Variants in KDM4C observed in about 807,000 individuals in gnomAD.
KDM4C encodes the protein lysine-specific demethylase 4C.
KDM4C carries 81 observed loss-of-function variants against 129.3 expected under a neutral mutation model. The observed-to-expected ratio is 0.63, with a 90% CI of 0.52 to 0.75. The LOEUF (loss-of-function observed/expected upper bound fraction) is 0.75. Ranked by LOEUF, KDM4C falls within the 30% of genes least tolerant of loss-of-function variation. The pLI is 0.00. For missense variants in KDM4C, 1,457 were observed against 1,304.0 expected (o/e 1.12, Z -1.81); for synonymous variants, 573 against 456.1 (o/e 1.26, Z -3.26).
intron 8 of KDM4C, among the ~76,000 whole-genome samples, chr9:6,963,140 G>C (rs1170432294): frequency 6.6e-6 from 1 of 152,186 alleles, no homozygotes; most frequent in African/African-American, 2.4e-5. Flanking sequence ...TCTGAGGATT[G>C]AGTTGTTAAA....
intron 18 of KDM4C, among the ~76,000 whole-genome samples, chr9:7,107,559 A>T (rs749430736): frequency 2.0e-4 from 31 of 152,338 alleles, no homozygotes; most frequent in Non-Finnish European, 3.4e-4. Context: ...CAGCACCAGA[A>T]TCACTTGCAC....
chr9:6,751,047 C>G (rs113506607), intron 1 of KDM4C, among the ~76,000 whole-genome samples: 1 of 152,084 alleles, frequency 6.6e-6, no homozygotes, highest in African/African-American at 2.4e-5. Context: ...GTCTCAGGAC[C>G]GTATCATAAG....
chr9:6,940,022 C>G (rs959936023), intron 8 of KDM4C, among the ~76,000 whole-genome samples: 1 of 133,662 alleles, frequency 7.5e-6, no homozygotes, highest in Non-Finnish European at 1.6e-5. Flanking sequence ...TCCTTCCTTC[C>G]TTCCTTCCTT....
intron 1 of KDM4C, among the ~76,000 whole-genome samples, chr9:6,743,134 G>C (rs1307476290): frequency 6.6e-6 from 1 of 152,134 alleles, no homozygotes; most frequent in Non-Finnish European, 1.5e-5. Context: ...TTACTAATAT[G>C]AAAATAATAA....
At chr9:7,146,935 C>G (rs960407852) in intron 19 of KDM4C, among the ~76,000 whole-genome samples, 2 of 152,188 alleles carry the variant, frequency 1.3e-5, no homozygotes, top group African/African-American at 4.8e-5. Flanking sequence ...TATTTTTAAT[C>G]CCAAAGGTGG....
At chr9:6,948,037 G>T (rs1827293512) in intron 8 of KDM4C, 1 of 151,962 alleles carries the variant, frequency 6.6e-6, no homozygotes, top group African/African-American at 2.4e-5. Context: ...TTCTAGGTGA[G>T]ATGCTGCAGT....
chr9:6,806,371 G>T (rs1395336189), intron 3 of KDM4C, among the ~76,000 whole-genome samples: 1 of 152,046 alleles, frequency 6.6e-6, no homozygotes, highest in Non-Finnish European at 1.5e-5. Context: ...GCACGTGCCT[G>T]TAATCCCAGC....
At chr9:7,041,065 C>A (rs995411481) in intron 15 of KDM4C, among the ~76,000 whole-genome samples, 3 of 148,240 alleles carry the variant, frequency 2.0e-5, no homozygotes, top group Admixed American at 6.7e-5. Context: ...TTTTAAAATT[C>A]TCTTTTTGTC....
intron 4 of KDM4C, among the ~76,000 whole-genome samples, chr9:6,819,346 T>G (rs1832639065): frequency 6.6e-6 from 1 of 152,246 alleles, no homozygotes; most frequent in Non-Finnish European, 1.5e-5. Context: ...AACATTGACT[T>G]TAGACTTCAG....
intron 8 of KDM4C, among the ~76,000 whole-genome samples, chr9:6,969,190 C>T (rs990047043): frequency 3.9e-5 from 6 of 152,196 alleles, no homozygotes; most frequent in Non-Finnish European, 7.3e-5. Flanking sequence ...CCTGCGTCTG[C>T]CTCCCAAAGT....
At chr9:7,149,819 C>T (rs1842566180) in intron 19 of KDM4C, among the ~76,000 whole-genome samples, 1 of 152,148 alleles carries the variant, frequency 6.6e-6, no homozygotes, top group Admixed American at 6.5e-5. Context: ...CATTTTTTCA[C>T]CCTACATCTT....
chr9:7,128,186 A>T lies in KDM4C; in HGVS notation c.2731A>T (p.Met911Leu). The T allele has an allele frequency of 6.2e-6, 10 of 1,610,196 alleles. No individual in the cohort carries two copies. The highest frequency in any genetic ancestry group is 7.6e-6 in the Non-Finnish European group (9 of 1,178,384). Residue 911 changes from methionine to leucine, a missense_variant, in exon 19 of 22, where the codon ATG (methionine) becomes TTG (leucine). Coordinates refer to ENST00000381309, the MANE Select transcript of KDM4C (RefSeq NM_015061.6). ...GACATCGCAGACCTTCTATGAGGTCATGTTTGATGATGGCTCCTTTAGCAG... is the reference window on the plus strand; with the variant it reads ...GACATCGCAGACCTTCTATGAGGTCTTGTTTGATGATGGCTCCTTTAGCAG... ...AVTSQTFYEVMFDDGSFSRDT... is the reference protein window; with the variant it reads ...AVTSQTFYEVLFDDGSFSRDT...
chr9:6,802,895 C>A (rs939007474), intron 2 of KDM4C, among the ~76,000 whole-genome samples: 11 of 152,226 alleles, frequency 7.2e-5, no homozygotes, highest in African/African-American at 2.7e-4. Flanking sequence ...GAGTGAGTCA[C>A]CGTGTCTGGC....
At chr9:6,879,724 T>C (rs1448176833) in intron 5 of KDM4C, among the ~76,000 whole-genome samples, 2 of 152,180 alleles carry the variant, frequency 1.3e-5, no homozygotes, top group Non-Finnish European at 2.9e-5. Context: ...ACTAGCTGTC[T>C]TGTTGCTGAG....
At chr9:7,066,280 A>G (rs1297642935) in intron 17 of KDM4C, among the ~76,000 whole-genome samples, 1 of 152,214 alleles carries the variant, frequency 6.6e-6, no homozygotes, top group Non-Finnish European at 1.5e-5. Flanking sequence ...TTTACATTCC[A>G]GAAGGATGTA....
At chr9:6,803,217 G>A (rs541392217) in intron 2 of KDM4C, among the ~76,000 whole-genome samples, 2 of 152,248 alleles carry the variant, frequency 1.3e-5, no homozygotes, top group Admixed American at 1.3e-4. Context: ...AATTCACAGA[G>A]CTGTGTGCTT....
At chr9:6,904,548 A>T (rs1376561163) in intron 8 of KDM4C, among the ~76,000 whole-genome samples, 1 of 152,056 alleles carries the variant, frequency 6.6e-6, no homozygotes, top group Non-Finnish European at 1.5e-5. Context: ...TGCAGAGCAG[A>T]TGGTAGGTGG....
intron 1 of KDM4C, among the ~76,000 whole-genome samples, chr9:6,737,551 T>G (rs922876316): frequency 2.7e-5 from 4 of 147,968 alleles, no homozygotes; most frequent in African/African-American, 1.0e-4. Context: ...GTAATCCCAG[T>G]TACTTGGGAG....
intron 5 of KDM4C, among the ~76,000 whole-genome samples, chr9:6,873,810 T>A (rs559832690): frequency 1.3e-5 from 2 of 152,316 alleles, no homozygotes; most frequent in South Asian, 2.1e-4. Context: ...TATCTTAGCT[T>A]TCAAAATGCC....
Sources: gnomAD v4.1 joint callset for allele counts (sites outside exome capture counted in the v4.1 genomes callset) on GRCh38, gnomAD v4.1.1 for gene constraint, MANE v1.5 for transcripts, NCBI Gene and HGNC (gene_info 2026-07-23, HGNC 2026-07-21) for gene names.